Variants in SNX29 observed in about 807,000 individuals in gnomAD.
The protein encoded by SNX29 is sorting nexin 29.
SNX29 carries 78 observed loss-of-function variants against 102.1 expected under a neutral mutation model. That is an observed-to-expected ratio of 0.76 (90% CI 0.64 to 0.92). The LOEUF is 0.92. Among genes scored for constraint, SNX29 ranks in the 40% least tolerant of loss-of-function variants. The probability of loss-of-function intolerance (pLI) is 0.00; values close to 1 mark genes in which losing one functional copy is unlikely to be tolerated. For synonymous variants in SNX29, 580 were observed against 414.5 expected, an observed-to-expected ratio of 1.40 and a Z score of -4.85; for missense variants, 1,280 against 1,061.7, an observed-to-expected ratio of 1.21 and a Z score of -2.86.
intron 16 of SNX29, among the ~76,000 whole-genome samples, chr16:12,390,147 G>GT (rs1317006946): frequency 5.6e-5 from 6 of 107,680 alleles, no homozygotes; most frequent in Non-Finnish European, 9.5e-5. Context: ...GTGCAATTGA[G>GT]GGGTGTGTGT....
At chr16:12,515,911 C>T (rs1481390015) in intron 19 of SNX29, among the ~76,000 whole-genome samples, 1 of 152,084 alleles carries the variant, frequency 6.6e-6, no homozygotes, top group Non-Finnish European at 1.5e-5. Flanking sequence ...ACTTCTCATT[C>T]ATGTCACAGT....
intron 15 of SNX29, among the ~76,000 whole-genome samples, chr16:12,350,121 C>T (rs905240758): frequency 1.2e-4 from 18 of 152,012 alleles, no homozygotes; most frequent in African/African-American, 4.4e-4. Context: ...AGTCACTTGC[C>T]GTGTGTGTGT....
intron 16 of SNX29, among the ~76,000 whole-genome samples, chr16:12,380,999 A>C (rs1432074303): frequency 3.3e-4 from 9 of 27,272 alleles, no homozygotes; most frequent in Non-Finnish European, 4.6e-4. Context: ...CCACCCACCC[A>C]CCATCCATCC....
At chr16:12,512,590 G>A (rs372290607) in intron 19 of SNX29, among the ~76,000 whole-genome samples, 7 of 151,226 alleles carry the variant, frequency 4.6e-5, no homozygotes, top group African/African-American at 1.5e-4. Context: ...CTTCTCTTCC[G>A]TGGGACTCAT....
At chr16:12,529,132 G>T (rs1201154137) in intron 20 of SNX29, among the ~76,000 whole-genome samples, 2 of 152,178 alleles carry the variant, frequency 1.3e-5, no homozygotes, top group African/African-American at 4.8e-5. Flanking sequence ...GCCTCCCGTT[G>T]CCTCCCTTGC....
At chr16:12,550,586 C>G (rs774492158) in intron 20 of SNX29, among the ~76,000 whole-genome samples, 3 of 150,930 alleles carry the variant, frequency 2.0e-5, no homozygotes, top group African/African-American at 4.9e-5. Flanking sequence ...TCCACCGGTG[C>G]ATACATACGT....
chr16:12,019,627 T>G (rs1037444980), intron 3 of SNX29, among the ~76,000 whole-genome samples: 6 of 133,026 alleles, frequency 4.5e-5, no homozygotes, highest in African/African-American at 1.1e-4. Context: ...TAGATAGATA[T>G]AGATATATAA....
intron 14 of SNX29, among the ~76,000 whole-genome samples, chr16:12,206,814 GTT>G (rs71139583): frequency 1.6e-5 from 2 of 121,614 alleles, no homozygotes; most frequent in Admixed American, 9.3e-5. Flanking sequence ...GAATGAGGTG[GTT>G]TTTTTTTTTT....
intron 13 of SNX29, among the ~76,000 whole-genome samples, chr16:12,174,563 C>G (rs1384723126): frequency 6.6e-6 from 1 of 152,098 alleles, no homozygotes; most frequent in Admixed American, 6.6e-5. Flanking sequence ...CTTTGTTGAC[C>G]CAAGCTGGGC....
At chr16:12,325,229 G>A (rs1478522917) in intron 15 of SNX29, among the ~76,000 whole-genome samples, 2 of 152,128 alleles carry the variant, frequency 1.3e-5, no homozygotes, top group Non-Finnish European at 2.9e-5. Flanking sequence ...CCCTCTGAAA[G>A]GCATTTTTAA....
intron 15 of SNX29, among the ~76,000 whole-genome samples, chr16:12,295,038 C>T (rs2079932040): frequency 6.6e-6 from 1 of 152,168 alleles, no homozygotes; most frequent in Admixed American, 6.5e-5. Context: ...CCCTATAAAA[C>T]CAACACATCT....
intron 18 of SNX29, among the ~76,000 whole-genome samples, chr16:12,409,380 C>T (rs926780006): frequency 2.0e-5 from 3 of 150,416 alleles, no homozygotes; most frequent in African/African-American, 4.9e-5. Context: ...TGATCTTATT[C>T]CCCAAATTCC....
chr16:12,548,934 G>A (rs774945430), intron 20 of SNX29, among the ~76,000 whole-genome samples: 2 of 152,180 alleles, frequency 1.3e-5, no homozygotes, highest in Non-Finnish European at 2.9e-5. Context: ...TACCTGCTAT[G>A]GCCTGGCATT....
intron 20 of SNX29, among the ~76,000 whole-genome samples, chr16:12,563,843 T>TC (rs1324045638): frequency 6.6e-6 from 1 of 152,222 alleles, no homozygotes; most frequent in Admixed American, 6.5e-5. Context: ...CCTGTAAATA[T>TC]CCCTGCTGAA....
At chr16:12,405,814 G>A (rs994840443) in intron 18 of SNX29, among the ~76,000 whole-genome samples, 3 of 151,984 alleles carry the variant, frequency 2.0e-5, no homozygotes, top group Non-Finnish European at 2.9e-5. Context: ...CGGGTGGATC[G>A]CCTGAGATCA....
At chr16:12,558,878 T>C (rs559439477) in intron 20 of SNX29, among the ~76,000 whole-genome samples, 1 of 152,146 alleles carries the variant, frequency 6.6e-6, no homozygotes, top group Non-Finnish European at 1.5e-5. Context: ...TTGCAGAAAA[T>C]GTGCCTGAGT....
intron 11 of SNX29, among the ~76,000 whole-genome samples, chr16:12,088,537 GA>G (rs1428374860): frequency 6.6e-6 from 1 of 152,206 alleles, no homozygotes; most frequent in African/African-American, 2.4e-5. Context: ...AATGGCAGAG[GA>G]ATGGCGTTTC....
chr16:12,530,714 C>G (rs2076908919), intron 20 of SNX29, among the ~76,000 whole-genome samples: 1 of 152,090 alleles, frequency 6.6e-6, no homozygotes, highest in Admixed American at 6.5e-5. Flanking sequence ...CGCTACCATG[C>G]CCAGCTAATT....
chr16:12,566,707 A>G (rs946581104), intron 20 of SNX29, among the ~76,000 whole-genome samples: 1 of 145,602 alleles, frequency 6.9e-6, no homozygotes, highest in African/African-American at 2.5e-5. Context: ...GGGGTCCCCC[A>G]TCCTTTGAAG....
Sources: allele counts gnomAD v4.1 joint callset (sites outside exome capture counted in the v4.1 genomes callset), GRCh38; gene constraint gnomAD v4.1.1; transcripts MANE v1.5; gene names NCBI Gene and HGNC (gene_info 2026-07-23, HGNC 2026-07-21).